SMURF2: variants seen among roughly 807,000 people sequenced by gnomAD.
SMURF2 encodes the protein SMAD specific E3 ubiquitin protein ligase 2, also known as E3 ubiquitin-protein ligase SMURF2.
SMURF2 carries 48 observed loss-of-function variants against 109.6 expected under a neutral mutation model. That is an observed-to-expected ratio of 0.44 (90% CI 0.35 to 0.56). The LOEUF (loss-of-function observed/expected upper bound fraction) is 0.56, where lower values mean the gene tolerates loss of function less well. Ranked by LOEUF, SMURF2 falls within the 20% of genes least tolerant of loss-of-function variation. The pLI, the probability that SMURF2 is intolerant of heterozygous loss-of-function variation, is 0.01. For missense variants in SMURF2, 575 were observed against 909.0 expected (o/e 0.63, Z 4.72); for synonymous variants, 288 against 317.1 (o/e 0.91, Z 0.97).
intron 2 of SMURF2, among the ~76,000 whole-genome samples, chr17:64,602,740 A>C (rs549190918): frequency 6.6e-6 from 1 of 152,292 alleles, no homozygotes; most frequent in Non-Finnish European, 1.5e-5. Flanking sequence ...CATCCTGGCT[A>C]ACACGGTGCA....
chr17:64,652,942 T>C (rs1598318502), intron 1 of SMURF2, among the ~76,000 whole-genome samples: 1 of 152,130 alleles, frequency 6.6e-6, no homozygotes, highest in Non-Finnish European at 1.5e-5. Context: ...TTTAAATGTA[T>C]GAGTTAAAAT....
intron 1 of SMURF2, among the ~76,000 whole-genome samples, chr17:64,610,781 C>T (rs1413752635): frequency 2.0e-5 from 3 of 152,062 alleles, no homozygotes; most frequent in Non-Finnish European, 4.4e-5. Context: ...AAAAGAACTG[C>T]CTACACTTTT....
rs571129973 is a variant in SMURF2, at chr17:64,555,897, T to C, written c.1533A>G (p.Gln511=). Residue 511 remains glutamine (Q), a synonymous_variant, in exon 14 of 19, where the codon CAA becomes CAG. Coordinates refer to ENST00000262435, the MANE Select transcript of SMURF2 (RefSeq NM_022739.4). ...DGGFTLPFYK[Q]LLGKSITLDD... is the part of the protein sequence containing the mutation. The stretch of plus-strand genomic sequence containing the variant: ...CCAAGGTAATTGACTTCCCAAGCAA[T>C]TGCTTATAAAAAGGCAATGTGAAAC... The C allele has an allele frequency of 9.9e-6, 16 of 1,613,686 alleles. No homozygotes were observed. The African/African-American group carries it at 1.5e-4, about 15-fold the overall frequency.
At chr17:64,650,773 T>C (rs1555693416) in intron 1 of SMURF2, among the ~76,000 whole-genome samples, 1 of 151,664 alleles carries the variant, frequency 6.6e-6, no homozygotes, top group Non-Finnish European at 1.5e-5. Flanking sequence ...GAGGTTGCAG[T>C]GAGTGGAGAT....
At chr17:64,615,198 T>A (rs376437850) in intron 1 of SMURF2, among the ~76,000 whole-genome samples, 3 of 152,020 alleles carry the variant, frequency 2.0e-5, no homozygotes, top group East Asian at 3.9e-4. Context: ...TGCCAAAAAT[T>A]CCCCTTCCTC....
chr17:64,649,352 C>T (rs1970605116), intron 1 of SMURF2, among the ~76,000 whole-genome samples: 2 of 152,048 alleles, frequency 1.3e-5, no homozygotes, highest in African/African-American at 2.4e-5. Context: ...CGCCAGCATG[C>T]TACAGAGGAA....
In SMURF2 at chr17:64,546,344, A is replaced by G; in HGVS notation, c.2072-6T>C. 1 of 1,613,508 alleles carries G rather than the reference A, an allele frequency of 6.2e-7. No individual in the cohort carries two copies. The highest frequency in any genetic ancestry group is 8.5e-7 in the Non-Finnish European group (1 of 1,179,620). ...GAGTCTCGGGCCTGCAGCACCTGCA[A>G]ATGAAGGAAATGTGGATGAAATCAC... On this transcript the variant is annotated splice_polypyrimidine_tract_variant and splice_region_variant and intron_variant, in intron 17 of 18. Transcript: ENST00000262435.
intron 1 of SMURF2, among the ~76,000 whole-genome samples, chr17:64,650,423 C>T (rs1490686306): frequency 6.6e-6 from 1 of 151,858 alleles, no homozygotes; most frequent in Non-Finnish European, 1.5e-5. Flanking sequence ...AAGGCACAAG[C>T]ACAGAGAAAA....
intron 2 of SMURF2, among the ~76,000 whole-genome samples, chr17:64,603,694 G>T (rs145194764): frequency 6.6e-6 from 1 of 151,798 alleles, no homozygotes; most frequent in Non-Finnish European, 1.5e-5. Context: ...GTTGCTTTAT[G>T]TTTGAAATTT....
chr17:64,614,020 G>T (rs116183308), intron 1 of SMURF2, among the ~76,000 whole-genome samples: 1 of 151,686 alleles, frequency 6.6e-6, no homozygotes, highest in Non-Finnish European at 1.5e-5. Context: ...TTCACAGTAG[G>T]GTTAACACTC....
intron 1 of SMURF2, among the ~76,000 whole-genome samples, chr17:64,624,416 C>T (rs1970241742): frequency 6.6e-6 from 1 of 150,788 alleles, no homozygotes; most frequent in Non-Finnish European, 1.5e-5. Context: ...TCACTGCAGC[C>T]TCCGCCTCCC....
intron 1 of SMURF2, among the ~76,000 whole-genome samples, chr17:64,653,678 G>C (rs1009173562): frequency 6.6e-6 from 1 of 152,002 alleles, no homozygotes; most frequent in African/African-American, 2.4e-5. Flanking sequence ...AAACTCCTGG[G>C]CTCAAGCAAT....
intron 15 of SMURF2, 36 bp downstream of exon 15, chr17:64,554,820 T>TA (rs1969096985): frequency 2.5e-6 from 4 of 1,597,184 alleles, no homozygotes; most frequent in African/African-American, 2.7e-5. Context: ...TAGAACATTT[T>TA]AAAAAATTCA....
chr17:64,548,204 T>G (rs1041926858), intron 16 of SMURF2, among the ~76,000 whole-genome samples: 31 of 152,280 alleles, frequency 2.0e-4, no homozygotes, highest in Middle Eastern at 3.4e-3. Flanking sequence ...GATATGTGCC[T>G]TCTTTGGACC....
At chr17:64,641,959 G>A (rs57109371) in intron 1 of SMURF2, among the ~76,000 whole-genome samples, 5,649 of 152,044 alleles carry the variant, frequency 0.037, 357 homozygotes, top group African/African-American at 0.13. Context: ...GGTGCATGCC[G>A]CCATGCCTGC....
At chr17:64,628,991 G>C (rs374673303) in intron 1 of SMURF2, among the ~76,000 whole-genome samples, 12 of 151,950 alleles carry the variant, frequency 7.9e-5, no homozygotes, top group East Asian at 3.9e-4. Context: ...CCCTTCAAAA[G>C]AAAGCCAGGC....
chr17:64,568,708 T>TA (rs1252589866), intron 10 of SMURF2, among the ~76,000 whole-genome samples: 1 of 151,830 alleles, frequency 6.6e-6, no homozygotes. Flanking sequence ...ATATGCCCTT[T>TA]AAAAAAACCC....
intron 10 of SMURF2, among the ~76,000 whole-genome samples, chr17:64,564,284 A>T (rs75032375): frequency 0.034 from 5,128 of 152,304 alleles, 294 homozygotes; most frequent in African/African-American, 0.12. Context: ...ACCACCAACA[A>T]TACAAAGAAA....
intron 1 of SMURF2, among the ~76,000 whole-genome samples, chr17:64,639,001 G>A (rs1568206257): frequency 6.6e-6 from 1 of 152,128 alleles, no homozygotes; most frequent in Non-Finnish European, 1.5e-5. Context: ...GTAACAAAGG[G>A]GAAGTCAGGT....
Sources: gnomAD v4.1 joint callset for allele counts (sites outside exome capture counted in the v4.1 genomes callset) on GRCh38, gnomAD v4.1.1 for gene constraint, MANE v1.5 for transcripts, NCBI Gene and HGNC (gene_info 2026-07-23, HGNC 2026-07-21) for gene names.